Variants in EPB41L4A observed in about 807,000 individuals in gnomAD.
EPB41L4A encodes the protein erythrocyte membrane protein band 4.1 like 4A, also known as band 4.1-like protein 4A.
A neutral mutation model predicts 108.6 loss-of-function variants in EPB41L4A; 100 were observed. That is an observed-to-expected ratio of 0.92 (90% CI 0.78 to 1.09). EPB41L4A has a LOEUF of 1.09. EPB41L4A is among the 50% of genes least tolerant of loss of function. The probability of loss-of-function intolerance (pLI) is 0.00; values close to 1 mark genes in which losing one functional copy is unlikely to be tolerated. For missense variants in EPB41L4A, 1,030 were observed against 842.7 expected (o/e 1.22, Z -2.75); for synonymous variants, 319 against 289.0 (o/e 1.10, Z -1.05).
intron 1 of EPB41L4A, among the ~76,000 whole-genome samples, chr5:112,393,417 C>G (rs9758991): frequency 6.6e-6 from 1 of 152,112 alleles, no homozygotes; most frequent in East Asian, 1.9e-4. Context: ...ATACCACCAC[C>G]GATCCCATAG....
chr5:112,285,580 C>T (rs1378412811), intron 2 of EPB41L4A, among the ~76,000 whole-genome samples: 3 of 152,154 alleles, frequency 2.0e-5, no homozygotes, highest in Non-Finnish European at 2.9e-5. Flanking sequence ...CTTGCAGTGG[C>T]GACAAAAACA....
At chr5:112,402,335 AC>A in intron 1 of EPB41L4A, among the ~76,000 whole-genome samples, 1 of 146,978 alleles carries the variant, frequency 6.8e-6, no homozygotes, top group South Asian at 2.2e-4. Context: ...AGCCAATTAA[AC>A]CTTTTTTTTT....
chr5:112,370,515 T>G (rs1269697508), intron 1 of EPB41L4A, among the ~76,000 whole-genome samples: 1 of 152,234 alleles, frequency 6.6e-6, no homozygotes, highest in Non-Finnish European at 1.5e-5. Context: ...TTAGACATTT[T>G]GATTGATGAT....
intron 1 of EPB41L4A, among the ~76,000 whole-genome samples, chr5:112,400,488 G>A (rs991851763): frequency 6.6e-6 from 1 of 152,150 alleles, no homozygotes; most frequent in Non-Finnish European, 1.5e-5. Context: ...AGCTTTTACT[G>A]ATGGTGGAAG....
chr5:112,254,262 T>G (rs962851100), intron 9 of EPB41L4A, among the ~76,000 whole-genome samples: 3 of 152,170 alleles, frequency 2.0e-5, no homozygotes, highest in African/African-American at 7.2e-5. Flanking sequence ...TATCCTAAAT[T>G]CCTATTTTCC....
At chr5:112,304,674 C>T (rs1436227807) in intron 2 of EPB41L4A, among the ~76,000 whole-genome samples, 1 of 152,022 alleles carries the variant, frequency 6.6e-6, no homozygotes, top group Non-Finnish European at 1.5e-5. Flanking sequence ...TTCCTTCATT[C>T]CGCTGATATC....
At chr5:112,191,224 A>G (rs1465630463) in intron 17 of EPB41L4A, among the ~76,000 whole-genome samples, 1 of 152,210 alleles carries the variant, frequency 6.6e-6, no homozygotes, top group Non-Finnish European at 1.5e-5. Context: ...CAAATAAAGA[A>G]GCAGGGTGAA....
chr5:112,308,489 G>A (rs527559941), intron 1 of EPB41L4A, among the ~76,000 whole-genome samples: 1 of 152,262 alleles, frequency 6.6e-6, no homozygotes, highest in African/African-American at 2.4e-5. Context: ...ACACACCAGG[G>A]TGTACACACC....
chr5:112,320,089 AT>A (rs764471038), intron 1 of EPB41L4A, among the ~76,000 whole-genome samples: 4 of 152,218 alleles, frequency 2.6e-5, no homozygotes, highest in Non-Finnish European at 5.9e-5. Context: ...GTTAAATGAA[AT>A]CACTTATCCT....
intron 12 of EPB41L4A, among the ~76,000 whole-genome samples, chr5:112,234,402 T>C (rs949223633): frequency 2.6e-5 from 4 of 151,692 alleles, no homozygotes; most frequent in Non-Finnish European, 4.4e-5. Flanking sequence ...AAAAAGAAAG[T>C]ACAGTCATTA....
rs116426625 is a variant in EPB41L4A at position 112,354,645 on chromosome 5, C to A, written c.100-47155G>T. 9.3e-3 allele frequency among the ~76,000 whole-genome samples: 1,414 copies of A among 152,284 alleles called. 26 individuals carry two copies. The highest frequency in any genetic ancestry group is 0.033 in the African/African-American group (1,351 of 41,554). Reference sequence around the variant, plus strand: ...GTTTTTCTGTGTTTCCCCATGCCATCTAGCTCCCCATTTACAAACACCATC... The same window carrying A: ...GTTTTTCTGTGTTTCCCCATGCCATATAGCTCCCCATTTACAAACACCATC... On this transcript the variant is annotated intron_variant, in intron 1 of 22. Transcript: ENST00000261486.
intron 1 of EPB41L4A, among the ~76,000 whole-genome samples, chr5:112,377,309 T>C (rs1449711819): frequency 2.6e-5 from 4 of 152,150 alleles, no homozygotes; most frequent in South Asian, 2.1e-4. Context: ...CTACTTGTGA[T>C]AGTAAATACA....
In EPB41L4A at chr5:112,152,167, T is replaced by G. The variant is rs527746553; in HGVS notation, n.995-6169A>C. Reference sequence around the variant, plus strand: ...TAAAAACAATTTTTAACAAATCCAATACAAGACCAAAATATAAAAAAAGAA... The same window carrying G: ...TAAAAACAATTTTTAACAAATCCAAGACAAGACCAAAATATAAAAAAAGAA... On this transcript the variant is annotated intron_variant and non_coding_transcript_variant, in intron 12 of 13. Transcript: ENST00000507810. Among the ~76,000 whole-genome samples the G allele has an allele frequency of 2.8e-5, 4 of 142,762 alleles. No homozygotes were observed. In the South Asian group the frequency reaches 9.1e-4, roughly 32 times the overall value. The allele number at this position is 142,762 out of a possible 152,430, so 93.7% of individuals were successfully genotyped here.
chr5:112,265,140 A>G (rs1033365575), intron 5 of EPB41L4A, 124 bp from the exon 6 acceptor site: 1 of 840,490 alleles, frequency 1.2e-6, no homozygotes, highest in Non-Finnish European at 1.7e-6. Flanking sequence ...CACATATAAG[A>G]CAACTAAATA....
intron 1 of EPB41L4A, among the ~76,000 whole-genome samples, chr5:112,321,217 C>T (rs1281982680): frequency 6.6e-6 from 1 of 152,176 alleles, no homozygotes; most frequent in South Asian, 2.1e-4. Flanking sequence ...CAGATCAGGA[C>T]TGGAAGACCA....
chr5:112,390,541 C>A (rs1264957093), intron 1 of EPB41L4A, among the ~76,000 whole-genome samples: 1 of 152,140 alleles, frequency 6.6e-6, no homozygotes, highest in Non-Finnish European at 1.5e-5. Context: ...TAAAGCGGCC[C>A]AGAAACTCAA....
At chr5:112,243,188 T>C (rs975928514) in intron 9 of EPB41L4A, among the ~76,000 whole-genome samples, 1 of 145,972 alleles carries the variant, frequency 6.9e-6, no homozygotes, top group Non-Finnish European at 1.5e-5. Context: ...CATTCCAGCC[T>C]GGGTGATAAG....
chr5:112,298,988 T>C (rs149259270), intron 2 of EPB41L4A, among the ~76,000 whole-genome samples: 2,118 of 152,346 alleles, frequency 0.014, 44 homozygotes, highest in African/African-American at 0.048. Context: ...GTGTCAGTTG[T>C]AATATCCCCC....
intron 12 of EPB41L4A, among the ~76,000 whole-genome samples, chr5:112,224,065 C>A (rs1277325999): frequency 6.6e-6 from 1 of 152,192 alleles, no homozygotes; most frequent in Non-Finnish European, 1.5e-5. Flanking sequence ...GATTCTTCTG[C>A]CTCAGCCTCC....
Sources: gnomAD v4.1 joint callset for allele counts (sites outside exome capture counted in the v4.1 genomes callset) on GRCh38, gnomAD v4.1.1 for gene constraint, MANE v1.5 for transcripts, NCBI Gene and HGNC (gene_info 2026-07-23, HGNC 2026-07-21) for gene names.